The following CADPS2 variants were observed in gnomAD, a reference collection of about 807,000 sequenced individuals.
CADPS2 encodes calcium dependent secretion activator 2.
CADPS2 carries 93 observed loss-of-function variants against 172.5 expected under a neutral mutation model. The observed-to-expected ratio is 0.54, with a 90% CI of 0.46 to 0.64. The LOEUF is 0.64. CADPS2 is among the 30% of genes least tolerant of loss of function. The pLI is 0.00. For synonymous variants in CADPS2, 546 were observed against 555.2 expected (o/e 0.98, Z 0.23); for missense variants, 1,420 against 1,565.9 (o/e 0.91, Z 1.57).
intron 17 of CADPS2, among the ~76,000 whole-genome samples, chr7:122,422,820 G>A (rs1223315530): frequency 1.3e-5 from 2 of 151,356 alleles, no homozygotes; most frequent in Non-Finnish European, 2.9e-5. Flanking sequence ...ATAGCCTGGC[G>A]TGGTGGCACA....
At chr7:122,605,328 G>A (rs1055687005) in intron 6 of CADPS2, among the ~76,000 whole-genome samples, 3 of 152,012 alleles carry the variant, frequency 2.0e-5, no homozygotes, top group East Asian at 1.9e-4. Flanking sequence ...ACTGTACTAC[G>A]ATGTTACGAC....
intron 1 of CADPS2, among the ~76,000 whole-genome samples, chr7:122,746,867 T>G (rs753319376): frequency 7.9e-5 from 12 of 152,134 alleles, no homozygotes; most frequent in Non-Finnish European, 1.8e-4. Context: ...AACAGGACTC[T>G]CCCTGAACAT....
chr7:122,617,695 T>C (rs978718503), intron 5 of CADPS2, among the ~76,000 whole-genome samples: 3 of 149,844 alleles, frequency 2.0e-5, no homozygotes, highest in Admixed American at 6.6e-5. Flanking sequence ...GCACCAAACA[T>C]AGAGAAAGTC....
At chr7:122,827,014 T>C (rs1342192896) in intron 1 of CADPS2, among the ~76,000 whole-genome samples, 1 of 152,006 alleles carries the variant, frequency 6.6e-6, no homozygotes, top group African/African-American at 2.4e-5. Context: ...GAAAAACAAC[T>C]GGTAAACCTC....
intron 6 of CADPS2, among the ~76,000 whole-genome samples, chr7:122,584,476 C>G (rs1013015465): frequency 6.6e-6 from 1 of 151,810 alleles, no homozygotes; most frequent in African/African-American, 2.4e-5. Context: ...CATTTTTAAA[C>G]TTAACAGAGG....
At chr7:122,832,469 A>G (rs1806864761) in intron 1 of CADPS2, among the ~76,000 whole-genome samples, 1 of 152,206 alleles carries the variant, frequency 6.6e-6, no homozygotes, top group Non-Finnish European at 1.5e-5. Context: ...TTACGCAGCC[A>G]TCTCTGTCCA....
At chr7:122,428,938 A>G (rs1454055368) in intron 17 of CADPS2, among the ~76,000 whole-genome samples, 1 of 152,182 alleles carries the variant, frequency 6.6e-6, no homozygotes, top group African/African-American at 2.4e-5. Flanking sequence ...GGTAGAAAAG[A>G]GTACTGACAA....
Position 122,583,805 on chromosome 7 carries a change from CATCATATACATATGCATATGTATATTCAT to C in CADPS2, c.1224-2544_1224-2516del, listed in dbSNP as rs1395276438. Among the ~76,000 whole-genome samples the C allele has an allele frequency of 7.1e-4, 108 of 151,118 alleles. 1 individual carries two copies. Among genetic ancestry groups the C allele is most frequent in the African/African-American group, 2.5e-3 (103 of 41,406 alleles). On this transcript the variant is annotated intron_variant, in intron 6 of 29. Transcript: ENST00000449022. ...CATAACATACATATCATATACATCA[CATCATATACATATGCATATGTATATTCAT>C]ATCATATACATCACATCATATACAT... is the stretch of plus-strand genomic sequence containing the variant.
At chr7:122,820,628 C>T (rs1195822172) in intron 1 of CADPS2, among the ~76,000 whole-genome samples, 1 of 120,712 alleles carries the variant, frequency 8.3e-6, no homozygotes, top group South Asian at 2.9e-4. Context: ...GGCGCGATCT[C>T]GGCTCACTGC....
At chr7:122,427,262 T>C (rs2151861208) in intron 17 of CADPS2, 1 of 152,278 alleles carries the variant, frequency 6.6e-6, no homozygotes, top group Non-Finnish European at 1.5e-5. Context: ...AATTAACTAT[T>C]TCTGAACTGT....
intron 1 of CADPS2, among the ~76,000 whole-genome samples, chr7:122,821,823 G>A (rs1004091288): frequency 6.6e-6 from 1 of 152,098 alleles, no homozygotes; most frequent in Non-Finnish European, 1.5e-5. Flanking sequence ...AAAAAGGACT[G>A]GACAATACTT....
At chr7:122,446,995 C>T (rs1053747549) in intron 15 of CADPS2, among the ~76,000 whole-genome samples, 2 of 148,102 alleles carry the variant, frequency 1.4e-5, no homozygotes. Context: ...TAAATATAAT[C>T]CCCTGCTGCT....
At chr7:122,331,788 T>A (rs138609116) in intron 28 of CADPS2, 3 of 152,258 alleles carry the variant, frequency 2.0e-5, no homozygotes, top group Admixed American at 2.0e-4. Context: ...GCAATTTACT[T>A]ATTCAAGTTT....
chr7:122,518,489 T>C (rs2060539490), intron 8 of CADPS2, among the ~76,000 whole-genome samples: 6 of 152,262 alleles, frequency 3.9e-5, no homozygotes, highest in Admixed American at 3.3e-4. Context: ...ATTGGCATTT[T>C]ACTGCTTCAT....
chr7:122,420,927 G>A (rs1337874587), intron 17 of CADPS2: 3 of 152,196 alleles, frequency 2.0e-5, no homozygotes, highest in African/African-American at 7.2e-5. Context: ...AGGGAGGATG[G>A]AAAGATGTAA....
intron 22 of CADPS2, among the ~76,000 whole-genome samples, chr7:122,392,120 T>G (rs1426522787): frequency 6.6e-6 from 1 of 152,178 alleles, no homozygotes; most frequent in African/African-American, 2.4e-5. Context: ...TGATTATTCT[T>G]TCTAGTTGAT....
chr7:122,474,673 G>T, intron 12 of CADPS2, 156 bp from the exon 13 acceptor site: 1 of 652,474 alleles, frequency 1.5e-6, no homozygotes, highest in Non-Finnish European at 2.4e-6. Context: ...AACATAAATT[G>T]CAAACTTTAT....
At chr7:122,796,290 CA>C (rs1334885448) in intron 1 of CADPS2, among the ~76,000 whole-genome samples, 1 of 152,110 alleles carries the variant, frequency 6.6e-6, no homozygotes, top group Non-Finnish European at 1.5e-5. Flanking sequence ...CTGCCCAAAG[CA>C]ATTTATAATT....
At chr7:122,574,601 A>T (rs1166741554) in intron 7 of CADPS2, among the ~76,000 whole-genome samples, 1 of 151,828 alleles carries the variant, frequency 6.6e-6, no homozygotes, top group East Asian at 1.9e-4. Flanking sequence ...CTAAAATTTC[A>T]TGTCCCAGAA....
Sources: allele counts gnomAD v4.1 joint callset (sites outside exome capture counted in the v4.1 genomes callset), GRCh38; gene constraint gnomAD v4.1.1; transcripts MANE v1.5; gene names NCBI Gene and HGNC (gene_info 2026-07-23, HGNC 2026-07-21).